The following ZNF729 variants were observed in gnomAD, a reference collection of about 807,000 sequenced individuals.
The protein encoded by ZNF729 is zinc finger protein 729.
Under a neutral mutation model 12.2 loss-of-function variants are expected in ZNF729, and 15 were observed. The observed-to-expected ratio is 1.23, with a 90% CI of 0.82 to 1.89. ZNF729 has a LOEUF of 1.89. Ranked by LOEUF, ZNF729 falls within the 40% of genes most tolerant of loss-of-function variation. The pLI is 0.00. For synonymous variants in ZNF729, 492 were observed against 476.3 expected, an observed-to-expected ratio of 1.03 and a Z score of -0.43; for missense variants, 1,540 against 1,456.7, an observed-to-expected ratio of 1.06 and a Z score of -0.93.
chr19:22,313,697 C>T lies in ZNF729; in HGVS notation c.280C>T (p.Leu94Phe). The change falls in exon 4 of 4, where the codon CTT becomes TTT. Residue 94 changes from leucine to phenylalanine, a missense_variant. Physicochemically the swap from Leu to Phe is conservative, Grantham distance 22. Transcript: ENST00000601693. ...PVMRSHFTQD[L>F]WPDQSTKDSF... ...TATGCGTTCTCATTTTACACAAGAC[C>T]TTTGGCCAGATCAGAGCACAAAAGA... The T allele has an allele frequency of 6.6e-7, 1 of 1,523,350 alleles. No individual in the cohort carries two copies. Among genetic ancestry groups the T allele is most frequent in the Non-Finnish European group, 8.7e-7 (1 of 1,143,450 alleles). 94.4% of individuals were successfully genotyped at this position (1,523,350 alleles called of 1,614,324 possible). A position where few individuals can be genotyped will look rare whatever the true frequency, so the allele number is the denominator to read the frequency against.
At chr19:22,309,455 GAA>G (rs750350528) in intron 3 of ZNF729, among the ~76,000 whole-genome samples, 3 of 152,072 alleles carry the variant, frequency 2.0e-5, no homozygotes, top group Non-Finnish European at 4.4e-5. Flanking sequence ...AGAAAAAAAA[GAA>G]AAGAGTATCC....
chr19:22,301,312 C>T (rs924890955), intron 1 of ZNF729, among the ~76,000 whole-genome samples: 4 of 152,170 alleles, frequency 2.6e-5, no homozygotes, highest in African/African-American at 9.7e-5. Context: ...ATATTTGCTC[C>T]CAGGTTACAG....
intron 1 of ZNF729, among the ~76,000 whole-genome samples, chr19:22,288,581 G>A (rs1293938559): frequency 2.6e-5 from 4 of 152,144 alleles, no homozygotes; most frequent in East Asian, 1.9e-4. Flanking sequence ...GGAAGCAGGC[G>A]GATGCCCTGG....
In ZNF729 at chr19:22,297,690, T is replaced by C. The variant is rs542635518; in HGVS notation, c.31-6068T>C. On this transcript the variant is annotated intron_variant, in intron 1 of 3. Coordinates refer to ENST00000601693, the MANE Select transcript of ZNF729 (RefSeq NM_001242680.2). ...GGTCTTTAAAGGAGACAAAGATTTGTTTAGATTAAAGCTCATATTAAGAAC... is the reference window on the plus strand; with the variant it reads ...GGTCTTTAAAGGAGACAAAGATTTGCTTAGATTAAAGCTCATATTAAGAAC... Among the ~76,000 whole-genome samples the C allele has an allele frequency of 6.6e-5, 10 of 151,814 alleles. No individual in the cohort carries two copies. The South Asian group carries it at 1.7e-3, about 25-fold the overall frequency.
intron 1 of ZNF729, chr19:22,299,456 C>G (rs984509996): frequency 6.6e-6 from 1 of 152,366 alleles, no homozygotes; most frequent in Non-Finnish European, 1.5e-5. Context: ...GTCTCGATCT[C>G]CTGACCTCAT....
At chr19:22,286,606 C>G (rs1319296925) in intron 1 of ZNF729, 51 bp downstream of exon 1, 3 of 1,611,784 alleles carry the variant, frequency 1.9e-6, no homozygotes, top group Non-Finnish European at 2.5e-6. Flanking sequence ...CTGATTGGAA[C>G]CGGTGGGAAG....
At chr19:22,304,272 C>A (rs149985133) in intron 2 of ZNF729, among the ~76,000 whole-genome samples, 1 of 152,130 alleles carries the variant, frequency 6.6e-6, no homozygotes, top group Non-Finnish European at 1.5e-5. Context: ...ATCTGTTGGC[C>A]TTGTGATCCA....
chr19:22,313,610 T>A, intron 3 of ZNF729, 61 bp from the exon 4 acceptor site: 1 of 1,368,562 alleles, frequency 7.3e-7, no homozygotes, highest in South Asian at 1.9e-5. Context: ...AGGTTAGATT[T>A]GTAAAGTATA....
Position 22,316,921 on chromosome 19 carries a change from CT to C in ZNF729, c.3507del (p.Phe1169LeufsTer50), listed in dbSNP as rs766633954. 6.2e-7 allele frequency: 1 copy of C among 1,606,834 alleles called. No individual in the cohort carries two copies. The highest frequency in any genetic ancestry group is 8.5e-7 in the Non-Finnish European group (1 of 1,177,652). On this transcript the variant is annotated frameshift_variant, in exon 4 of 4. Transcript: ENST00000601693. LOFTEE classifies it low-confidence loss of function (END_TRUNC). ...ACAAATGTGAAGAATGTGGCAAAGC[CT>C]TTAACCAGTCCTCACACCTTACTAG... ...PYKCEECGKA[F>X]NQSSHLTRHK...
At position 22,313,771 on chromosome 19, in the gene ZNF729, G is replaced by A. The variant is rs1968480580; in HGVS notation, c.354G>A (p.Lys118=). 6.3e-7 allele frequency: 1 copy of A among 1,597,940 alleles called. No homozygotes were observed. The highest frequency in any genetic ancestry group is 1.8e-5 in the Admixed American group (1 of 57,064). The part of the protein sequence containing the change: ...ILRTYARCGH[K]NLRLRKDCKS... ...GAACATATGCAAGATGTGGACATAA[G>A]AATTTACGATTAAGAAAAGATTGTA... Residue 118 remains lysine (K), a synonymous_variant, in exon 4 of 4, where the codon AAG becomes AAA. Coordinates refer to ENST00000601693, the MANE Select transcript of ZNF729 (RefSeq NM_001242680.2).
chr19:22,292,155 GCACCA>G (rs1968164145), intron 1 of ZNF729, among the ~76,000 whole-genome samples: 1 of 152,154 alleles, frequency 6.6e-6, no homozygotes, highest in South Asian at 2.1e-4. Flanking sequence ...ATTAAGCACA[GCACCA>G]CACAGGTATT....
At chr19:22,304,815 G>A (rs1192756169) in intron 3 of ZNF729, 32 bp downstream of exon 3, 3 of 1,602,942 alleles carry the variant, frequency 1.9e-6, no homozygotes, top group South Asian at 1.1e-5. Flanking sequence ...AGACAACACA[G>A]ATAAGAGGTC....
intron 1 of ZNF729, among the ~76,000 whole-genome samples, chr19:22,289,479 C>T (rs145874144): frequency 0.015 from 2,303 of 152,192 alleles, 51 homozygotes; most frequent in African/African-American, 0.052. Flanking sequence ...CCCGCCTCAG[C>T]CTCCCAAAGT....
intron 1 of ZNF729, among the ~76,000 whole-genome samples, chr19:22,294,635 CTTTTTTTTTTTTTTTCTTTTTCT>C (rs1968200275): frequency 8.2e-6 from 1 of 121,704 alleles, no homozygotes; most frequent in Non-Finnish European, 1.8e-5. Flanking sequence ...TTATCTCGGA[CTTTTTTTTTTTTTTTCTTTTTCT>C]TTTTTTTTTT....
intron 1 of ZNF729, 111 bp from the exon 2 acceptor site, chr19:22,303,647 A>T (rs980430863): frequency 9.6e-7 from 1 of 1,041,368 alleles, no homozygotes; most frequent in Admixed American, 2.8e-5. Context: ...GGTCATCCCT[A>T]TAAGTTAGAA....
rs1968503432 is a variant in ZNF729, at chr19:22,314,760, T to C, written c.1343T>C (p.Met448Thr). 6.2e-7 allele frequency: 1 copy of C among 1,605,552 alleles called. No homozygotes were observed. The highest frequency in any genetic ancestry group is 8.5e-7 in the Non-Finnish European group (1 of 1,177,466). The stretch of plus-strand genomic sequence containing the variant: ...GCTTTTAACAGTTCCTCAACCCTTA[T>C]GAAACATAAGATAATTCATACTGGG... ...GKAFNSSSTLMKHKIIHTGEK... is the reference protein window; with the variant it reads ...GKAFNSSSTLTKHKIIHTGEK... Residue 448 changes from methionine (M) to threonine (T), a missense_variant, in exon 4 of 4, where the codon ATG becomes ACG. Physicochemically the swap from Met to Thr is moderately conservative, Grantham distance 81 (BLOSUM62 -1). Transcript: ENST00000601693.
intron 3 of ZNF729, among the ~76,000 whole-genome samples, chr19:22,312,965 G>A (rs142004663): frequency 0.016 from 2,461 of 152,196 alleles, 80 homozygotes; most frequent in African/African-American, 0.056. Context: ...CGCCCACCTC[G>A]GCCTCCCAAA....
chr19:22,313,943 AAAAAG>A lies in ZNF729; in HGVS notation c.531_535del (p.Lys177AsnfsTer8), dbSNP rs1968483828. The A allele has an allele frequency of 6.5e-7, 1 of 1,534,908 alleles. No homozygotes were observed. The highest frequency in any genetic ancestry group is 1.4e-5 in the African/African-American group (1 of 72,730). ...AAATAGAAATAAGGTTAGACACACTAAAAAGAAAACTTTCAAATGTATAAAATGTA... is the reference window on the plus strand; with the variant it reads ...AAATAGAAATAAGGTTAGACACACTAAAAACTTTCAAATGTATAAAATGTA... On this transcript the variant is annotated frameshift_variant, in exon 4 of 4. Coordinates refer to ENST00000601693, the MANE Select transcript of ZNF729 (RefSeq NM_001242680.2). LOFTEE classifies it low-confidence loss of function (END_TRUNC).
intron 3 of ZNF729, 147 bp downstream of exon 3, chr19:22,304,930 G>A (rs988340324): frequency 3.9e-5 from 30 of 764,740 alleles, no homozygotes; most frequent in East Asian, 5.6e-5. Flanking sequence ...TTGCTCTCAC[G>A]TAGAGGCATC....
Sources: gnomAD v4.1 joint callset for allele counts (sites outside exome capture counted in the v4.1 genomes callset) on GRCh38, gnomAD v4.1.1 for gene constraint, MANE v1.5 for transcripts, NCBI Gene and HGNC (gene_info 2026-07-23, HGNC 2026-07-21) for gene names.